NDUFS1: variants seen among roughly 807,000 people sequenced by gnomAD.
NDUFS1 encodes NADH-ubiquinone oxidoreductase 75 kDa subunit, mitochondrial.
NDUFS1 carries 61 observed loss-of-function variants against 84.4 expected under a neutral mutation model. The ratio of observed to expected loss-of-function variants is 0.72; its 90% CI spans 0.59 to 0.89. The LOEUF (loss-of-function observed/expected upper bound fraction) is 0.89. Ranked by LOEUF, NDUFS1 falls within the 40% of genes least tolerant of loss-of-function variation. The pLI, the probability that NDUFS1 is intolerant of heterozygous loss-of-function variation, is 0.00. For missense variants in NDUFS1, 891 were observed against 890.0 expected (o/e 1.00, Z -0.01); for synonymous variants, 275 against 290.0 (o/e 0.95, Z 0.53).
At chr2:206,158,863 C>G (rs1276948615) in intron 1 of NDUFS1, among the ~76,000 whole-genome samples, 1 of 152,318 alleles carries the variant, frequency 6.6e-6, no homozygotes, top group African/African-American at 2.4e-5. Flanking sequence ...CCAACGTGGT[C>G]AATGGACCAA....
intron 12 of NDUFS1, among the ~76,000 whole-genome samples, 196 bp downstream of exon 12, chr2:206,141,745 G>A (rs1345399367): frequency 2.0e-5 from 3 of 147,698 alleles, no homozygotes; most frequent in Non-Finnish European, 4.5e-5. Flanking sequence ...TTGCAGAGCC[G>A]AGATCCTGCC....
chr2:206,155,878 T>C (rs1383983729), intron 1 of NDUFS1, among the ~76,000 whole-genome samples: 1 of 151,968 alleles, frequency 6.6e-6, no homozygotes, highest in Non-Finnish European at 1.5e-5. Flanking sequence ...TCTAAACTTT[T>C]TGAGTTTTTT....
Position 206,115,075 on chromosome 2 carries a change from A to G in NDUFS1, c.*9110T>C, listed in dbSNP as rs776701188. On this transcript the variant is annotated 3_prime_UTR_variant, in exon 19 of 19. Transcript: ENST00000233190. ...ACATATTTTTGTTTTGTCTGACATG[A>G]CAAACATTGCAAATGTACATCCTTT... 2 of 152,210 alleles carry G rather than the reference A, an allele frequency of 1.3e-5. No individual in the cohort carries two copies. The highest frequency in any genetic ancestry group is 2.9e-5 in the Non-Finnish European group (2 of 68,036). The allele number at this position is 152,210 out of a possible 1,614,324, so 9.4% of individuals were successfully genotyped here.
At chr2:206,124,314 A>G (rs1691199010) in intron 18 of NDUFS1, 38 bp from the exon 19 acceptor site, 1 of 1,502,482 alleles carries the variant, frequency 6.7e-7, no homozygotes. Flanking sequence ...TGATAATACA[A>G]CTTTTTAAAA....
At chr2:206,134,115 AGAG>A (rs569835702) in intron 13 of NDUFS1, among the ~76,000 whole-genome samples, 193 of 152,362 alleles carry the variant, frequency 1.3e-3, no homozygotes, top group Non-Finnish European at 1.6e-3. Context: ...TATATTATAA[AGAG>A]GAATACATTA....
At chr2:206,146,757 T>C (rs956131243) in intron 8 of NDUFS1, 146 bp downstream of exon 8, 2 of 723,234 alleles carry the variant, frequency 2.8e-6, no homozygotes, top group African/African-American at 3.6e-5. Flanking sequence ...TCTAACTACT[T>C]ACCTTCTATT....
intron 1 of NDUFS1, chr2:206,159,046 G>C (rs759890668): frequency 5.2e-6 from 8 of 1,531,536 alleles, no homozygotes; most frequent in Non-Finnish European, 8.7e-7. Context: ...CCTCTGAGAG[G>C]GAAATGTCCT....
intron 10 of NDUFS1, 72 bp downstream of exon 10, chr2:206,143,945 TC>T (rs869171116): frequency 1.6e-5 from 19 of 1,176,734 alleles, no homozygotes; most frequent in African/African-American, 4.6e-5. Context: ...GAAATATACA[TC>T]CCCCCCTTCA....
intron 13 of NDUFS1, among the ~76,000 whole-genome samples, chr2:206,136,515 C>A (rs1447127656): frequency 6.7e-6 from 1 of 148,756 alleles, no homozygotes; most frequent in Non-Finnish European, 1.5e-5. Context: ...CTCACTGCAA[C>A]CTCCGTCTTC....
intron 12 of NDUFS1, among the ~76,000 whole-genome samples, chr2:206,141,113 G>A (rs1477953676): frequency 1.3e-5 from 2 of 151,874 alleles, no homozygotes; most frequent in Middle Eastern, 3.2e-3. Flanking sequence ...AGGAGAAAAC[G>A]GACCTATTAG....
Position 206,142,074 on chromosome 2 carries a change from AAATAC to A in NDUFS1, c.1134-10_1134-6del, listed in dbSNP as rs1488824358. 6.3e-7 allele frequency: 1 copy of A among 1,584,038 alleles called. No individual in the cohort carries two copies. The highest frequency in any genetic ancestry group is 2.2e-5 in the East Asian group (1 of 44,694). Reference sequence around the variant, plus strand: ...TAATTGGAACGCAAATCTGTGCTAGAAATACAATATATAAAATGCAAATTTACTTT... The same window carrying A: ...TAATTGGAACGCAAATCTGTGCTAGAAATATATAAAATGCAAATTTACTTT... On this transcript the variant is annotated splice_polypyrimidine_tract_variant and splice_region_variant and intron_variant, in intron 11 of 18. Coordinates refer to ENST00000233190, the MANE Select transcript of NDUFS1 (RefSeq NM_005006.7).
intron 14 of NDUFS1, among the ~76,000 whole-genome samples, chr2:206,131,244 T>G (rs990641960): frequency 1.1e-4 from 17 of 152,282 alleles, no homozygotes; most frequent in African/African-American, 4.1e-4. Flanking sequence ...GAAGATAATT[T>G]CAAGTGCAAA....
intron 13 of NDUFS1, among the ~76,000 whole-genome samples, chr2:206,134,672 G>A (rs551526125): frequency 2.0e-5 from 3 of 152,006 alleles, no homozygotes; most frequent in African/African-American, 7.2e-5. Flanking sequence ...AATGGAAAAA[G>A]GAAAAAAACA....
chr2:206,120,298 G>A lies in NDUFS1; in HGVS notation c.*3887C>T, dbSNP rs1575932991. ...CAGTGGGGCACTGCTATACATATTG[G>A]AAAATGTAGAAACAGCTTTGGAACT... On this transcript the variant is annotated 3_prime_UTR_variant, in exon 19 of 19. Coordinates refer to ENST00000233190, the MANE Select transcript of NDUFS1 (RefSeq NM_005006.7). 2.0e-5 allele frequency: 3 copies of A among 152,194 alleles called. No homozygotes were observed. The highest frequency in any genetic ancestry group is 2.0e-4 in the Admixed American group (3 of 15,266). 9.4% of individuals were successfully genotyped at this position (152,194 alleles called of 1,614,324 possible). A position where few individuals can be genotyped will look rare whatever the true frequency, so the allele number is the denominator to read the frequency against.
chr2:206,116,561 C>T lies in NDUFS1; in HGVS notation c.*7624G>A, dbSNP rs538693658. ...CAGCCACTCGCGCGGGGAGGCGGGGCGGTGTGGGCAGAAGTAAATTTCTTT... is the reference window on the plus strand; with the variant it reads ...CAGCCACTCGCGCGGGGAGGCGGGGTGGTGTGGGCAGAAGTAAATTTCTTT... On this transcript the variant is annotated 3_prime_UTR_variant, in exon 19 of 19. Coordinates refer to ENST00000233190, the MANE Select transcript of NDUFS1 (RefSeq NM_005006.7). 4 of 654,364 alleles carry T rather than the reference C, an allele frequency of 6.1e-6. No individual in the cohort carries two copies. The highest frequency in any genetic ancestry group is 2.9e-5 in the East Asian group (1 of 34,150). 40.5% of individuals were successfully genotyped at this position (654,364 alleles called of 1,614,324 possible).
chr2:206,127,475 G>A (rs551556156), intron 16 of NDUFS1: 52 of 256,664 alleles, frequency 2.0e-4, no homozygotes, highest in Non-Finnish European at 3.1e-4. Flanking sequence ...CTGAGATCAC[G>A]CCACTGCACT....
chr2:206,129,582 TTTTGG>T (rs1415449189), intron 15 of NDUFS1, among the ~76,000 whole-genome samples: 1 of 151,146 alleles, frequency 6.6e-6, no homozygotes, highest in Non-Finnish European at 1.5e-5. Context: ...AGTTCATATA[TTTTGG>T]TTTAACTTTT....
chr2:206,149,686 G>GA, intron 4 of NDUFS1, 132 bp downstream of exon 4: 1 of 705,250 alleles, frequency 1.4e-6, no homozygotes, highest in Non-Finnish European at 2.5e-6. Context: ...TTGTACAAAA[G>GA]AATTAAATTT....
At chr2:206,132,540 A>T (rs1293948795) in intron 14 of NDUFS1, among the ~76,000 whole-genome samples, 2 of 152,142 alleles carry the variant, frequency 1.3e-5, no homozygotes, top group African/African-American at 4.8e-5. Flanking sequence ...GTGGACTATG[A>T]TCATGCCACT....
Sources: allele counts gnomAD v4.1 joint callset (sites outside exome capture counted in the v4.1 genomes callset), GRCh38; gene constraint gnomAD v4.1.1; transcripts MANE v1.5; gene names NCBI Gene and HGNC (gene_info 2026-07-23, HGNC 2026-07-21).